Variants in ALS2 observed in about 807,000 individuals in gnomAD.
ALS2 encodes the protein alsin Rho guanine nucleotide exchange factor ALS2.
Under a neutral mutation model 203.4 loss-of-function variants are expected in ALS2, and 117 were observed. The observed-to-expected ratio is 0.58, with a 90% confidence interval of 0.50 to 0.67. The LOEUF is 0.67. Ranked by LOEUF, ALS2 falls within the 30% of genes least tolerant of loss-of-function variation. The pLI, the probability that ALS2 is intolerant of heterozygous loss-of-function variation, is 0.00. For synonymous variants in ALS2, 718 were observed against 725.9 expected (o/e 0.99, Z 0.17); for missense variants, 1,715 against 1,989.4 (o/e 0.86, Z 2.62).
intron 21 of ALS2, 29 bp downstream of exon 21, chr2:201,724,266 A>T (rs535519879): frequency 1.0e-5 from 16 of 1,602,982 alleles, no homozygotes; most frequent in Admixed American, 1.7e-5. Flanking sequence ...ATTGGCTTAA[A>T]CTGTGGGAAT....
intron 3 of ALS2, 27 bp from the exon 4 acceptor site, chr2:201,761,845 A>G (rs1309443401): frequency 6.2e-7 from 1 of 1,610,082 alleles, no homozygotes; most frequent in Non-Finnish European, 8.5e-7. Flanking sequence ...AGAAAAAAGA[A>G]AAAAAAAAGG....
At chr2:201,728,089 C>CT (rs1255171170) in intron 15 of ALS2, among the ~76,000 whole-genome samples, 4 of 152,246 alleles carry the variant, frequency 2.6e-5, no homozygotes, top group East Asian at 3.9e-4. Context: ...AAAATAGCCT[C>CT]TTTTTTAAAA....
chr2:201,727,689 G>T lies in ALS2; in HGVS notation c.2912+16C>A. The T allele has an allele frequency of 6.5e-7, 1 of 1,549,418 alleles. No homozygotes were observed. Reference sequence around the variant, plus strand: ...AGACTTGGACGGGGTGGGGTGGGGAGGGGGGACGCACTTACACACCACCAG... The same window carrying T: ...AGACTTGGACGGGGTGGGGTGGGGATGGGGGACGCACTTACACACCACCAG... On this transcript the variant is annotated intron_variant, in intron 16 of 33. Coordinates refer to ENST00000264276, the MANE Select transcript of ALS2 (RefSeq NM_020919.4).
intron 1 of ALS2, among the ~76,000 whole-genome samples, chr2:201,774,871 A>G (rs886857418): frequency 4.6e-5 from 7 of 152,216 alleles, no homozygotes; most frequent in Non-Finnish European, 8.8e-5. Flanking sequence ...CAGGTACTCA[A>G]TAAACATCTG....
chr2:201,740,162 C>CA (rs1047222944), intron 11 of ALS2, among the ~76,000 whole-genome samples: 8 of 151,952 alleles, frequency 5.3e-5, no homozygotes, highest in African/African-American at 1.7e-4. Flanking sequence ...CCCATCTCTA[C>CA]AAAAAATTAA....
At chr2:201,703,516 A>G (rs1426846413) in intron 33 of ALS2, among the ~76,000 whole-genome samples, 1 of 152,178 alleles carries the variant, frequency 6.6e-6, no homozygotes, top group African/African-American at 2.4e-5. Context: ...TAACTGGAAG[A>G]GTAGGTCTAT....
chr2:201,714,944 G>T (rs888295430), intron 25 of ALS2, among the ~76,000 whole-genome samples: 10 of 152,132 alleles, frequency 6.6e-5, no homozygotes, highest in Admixed American at 1.3e-4. Context: ...CCCTTTTTAG[G>T]TCCTCTGGCC....
chr2:201,702,276 A>G (rs1195204533), intron 33 of ALS2, among the ~76,000 whole-genome samples: 1 of 152,160 alleles, frequency 6.6e-6, no homozygotes, highest in East Asian at 1.9e-4. Context: ...ATACAGATTA[A>G]GCATCATTGC....
In ALS2 at chr2:201,768,895, G is replaced by A; in HGVS notation, c.-10C>T. 6.2e-7 allele frequency: 1 copy of A among 1,613,070 alleles called. No homozygotes were observed. Among genetic ancestry groups the A allele is most frequent in the African/African-American group, 1.3e-5 (1 of 74,898 alleles). On this transcript the variant is annotated 5_prime_UTR_variant, in exon 2 of 34. Transcript: ENST00000264276. ...TCTTCTTTGAGTCCATCGGTCAGTGGGAACACTCCATCACCAAATCATTCC... is the reference window on the plus strand; with the variant it reads ...TCTTCTTTGAGTCCATCGGTCAGTGAGAACACTCCATCACCAAATCATTCC...
intron 24 of ALS2, among the ~76,000 whole-genome samples, chr2:201,717,245 A>G (rs1465861109): frequency 6.6e-6 from 1 of 151,822 alleles, no homozygotes; most frequent in African/African-American, 2.4e-5. Flanking sequence ...TGGGTGGATC[A>G]CTTGAGGTCA....
At chr2:201,743,422 C>T (rs1430857996) in intron 10 of ALS2, among the ~76,000 whole-genome samples, 1 of 152,164 alleles carries the variant, frequency 6.6e-6, no homozygotes, top group Non-Finnish European at 1.5e-5. Flanking sequence ...CACTTCCAAC[C>T]TCTTTGTAGC....
intron 10 of ALS2, among the ~76,000 whole-genome samples, chr2:201,743,077 A>AG (rs900650101): frequency 5.9e-5 from 9 of 151,412 alleles, no homozygotes; most frequent in Non-Finnish European, 8.9e-5. Context: ...TCTCAAAAAA[A>AG]AAAAAAAAAG....
intron 12 of ALS2, among the ~76,000 whole-genome samples, chr2:201,734,107 T>A (rs539221028): frequency 6.6e-6 from 1 of 152,290 alleles, no homozygotes; most frequent in African/African-American, 2.4e-5. Flanking sequence ...TAAAATTTTA[T>A]TCCAAATTTT....
rs939661465 is a variant in ALS2 at position 201,700,698 on chromosome 2, A to G, written c.*1153T>C. ...AAAAGTAATTAACATCTTCTCAGTC[A>G]CTTAACACAAATCAGGACACTCTGT... On this transcript the variant is annotated 3_prime_UTR_variant, in exon 34 of 34. Transcript: ENST00000264276. The G allele has an allele frequency of 1.0e-4, 16 of 152,690 alleles. No homozygotes were observed. The highest frequency in any genetic ancestry group is 3.9e-4 in the African/African-American group (16 of 41,466). The allele number at this position is 152,690 out of a possible 1,614,324, so 9.5% of individuals were successfully genotyped here.
At chr2:201,777,205 T>A (rs1184470225) in intron 1 of ALS2, among the ~76,000 whole-genome samples, 2 of 152,008 alleles carry the variant, frequency 1.3e-5, no homozygotes, top group Non-Finnish European at 2.9e-5. Flanking sequence ...GATTGGTATA[T>A]GCCTACATTT....
intron 3 of ALS2, among the ~76,000 whole-genome samples, chr2:201,762,469 G>A (rs1693821455): frequency 6.6e-6 from 1 of 152,146 alleles, no homozygotes; most frequent in Admixed American, 6.5e-5. Flanking sequence ...CTTGGGACCA[G>A]AGGTGTTTTG....
chr2:201,760,567 G>T, intron 4 of ALS2: 1 of 1,147,826 alleles, frequency 8.7e-7, no homozygotes. Context: ...AAACTATTCA[G>T]GGCCCACCAA....
At chr2:201,756,309 T>C (rs767742198) in intron 5 of ALS2, among the ~76,000 whole-genome samples, 2 of 151,064 alleles carry the variant, frequency 1.3e-5, no homozygotes, top group African/African-American at 2.4e-5. Context: ...ATATATTATA[T>C]ATATATACAT....
chr2:201,744,586 G>A (rs939437140), intron 9 of ALS2, among the ~76,000 whole-genome samples, 157 bp from the exon 10 acceptor site: 4 of 152,108 alleles, frequency 2.6e-5, no homozygotes, highest in Admixed American at 2.0e-4. Context: ...TTGAAAATTG[G>A]CCATAGTGAA....
Sources: allele counts gnomAD v4.1 joint callset (sites outside exome capture counted in the v4.1 genomes callset), GRCh38; gene constraint gnomAD v4.1.1; transcripts MANE v1.5; gene names NCBI Gene and HGNC (gene_info 2026-07-23, HGNC 2026-07-21).